Variants in PKNOX2 observed in about 807,000 individuals in gnomAD.
PKNOX2 encodes PBX/knotted 1 homeobox 2.
Under a neutral mutation model 53.1 loss-of-function variants are expected in PKNOX2, and 14 were observed. That is an observed-to-expected ratio of 0.26 (90% CI 0.17 to 0.41). PKNOX2 has a LOEUF of 0.41. PKNOX2 is among the 10% of genes least tolerant of loss of function. PKNOX2 has a pLI of 1.00. For synonymous variants in PKNOX2, 257 were observed against 242.8 expected (o/e 1.06, Z -0.54); for missense variants, 496 against 602.8 (o/e 0.82, Z 1.85).
intron 3 of PKNOX2, among the ~76,000 whole-genome samples, chr11:125,348,868 T>C (rs1442871824): frequency 2.6e-5 from 4 of 152,188 alleles, no homozygotes; most frequent in Non-Finnish European, 5.9e-5. Flanking sequence ...GAGAACTAGT[T>C]GCCCCTAAGA....
intron 4 of PKNOX2, among the ~76,000 whole-genome samples, chr11:125,366,412 A>G (rs192388235): frequency 3.9e-5 from 6 of 152,356 alleles, no homozygotes; most frequent in African/African-American, 1.2e-4. Flanking sequence ...ACCACCCATC[A>G]TTCATCTATT....
intron 2 of PKNOX2, among the ~76,000 whole-genome samples, chr11:125,301,584 C>T (rs971417600): frequency 2.6e-5 from 4 of 151,984 alleles, no homozygotes; most frequent in Admixed American, 6.6e-5. Context: ...TTTTAGCTGC[C>T]AGAGCCAAGA....
chr11:125,187,013 C>T (rs615892), intron 1 of PKNOX2, among the ~76,000 whole-genome samples: 36,158 of 152,090 alleles, frequency 0.24, 4,559 homozygotes, highest in South Asian at 0.33. Context: ...CGAAGATCAA[C>T]GTGGCCATAG....
intron 2 of PKNOX2, among the ~76,000 whole-genome samples, chr11:125,306,746 C>A (rs1948487665): frequency 1.3e-5 from 2 of 152,196 alleles, no homozygotes; most frequent in South Asian, 4.1e-4. Context: ...ACCCTAGAGA[C>A]CCCGGCACAG....
chr11:125,376,674 C>T (rs1405267377), intron 5 of PKNOX2, among the ~76,000 whole-genome samples: 2 of 152,224 alleles, frequency 1.3e-5, no homozygotes, highest in African/African-American at 4.8e-5. Context: ...GCTTACTCCA[C>T]TCATTCATTC....
chr11:125,237,984 C>A (rs769935590), intron 2 of PKNOX2, among the ~76,000 whole-genome samples: 2 of 152,172 alleles, frequency 1.3e-5, no homozygotes, highest in Non-Finnish European at 2.9e-5. Context: ...CTGGGCAGCC[C>A]TTCCTCCCTG....
chr11:125,203,513 G>A (rs189675895), intron 1 of PKNOX2, among the ~76,000 whole-genome samples: 4 of 152,328 alleles, frequency 2.6e-5, no homozygotes, highest in African/African-American at 9.6e-5. Context: ...AGGCGGCAGA[G>A]CCAGGCAATG....
intron 2 of PKNOX2, among the ~76,000 whole-genome samples, chr11:125,287,515 A>AGGG (rs1946983437): frequency 6.6e-6 from 1 of 152,104 alleles, no homozygotes; most frequent in Non-Finnish European, 1.5e-5. Flanking sequence ...GCGGGGAGGA[A>AGGG]GGGGTGTCTA....
chr11:125,234,050 T>G (rs1410285666), intron 1 of PKNOX2, among the ~76,000 whole-genome samples: 3 of 152,188 alleles, frequency 2.0e-5, no homozygotes, highest in Non-Finnish European at 4.4e-5. Context: ...TTCTGCCCCT[T>G]GGCCCTTGCT....
intron 3 of PKNOX2, among the ~76,000 whole-genome samples, chr11:125,337,387 A>G (rs1950483511): frequency 6.6e-6 from 1 of 152,228 alleles, no homozygotes; most frequent in South Asian, 2.1e-4. Context: ...CGAGTGGGAA[A>G]TAAACTCCAA....
At chr11:125,348,288 C>G (rs1465871320) in intron 3 of PKNOX2, among the ~76,000 whole-genome samples, 1 of 152,158 alleles carries the variant, frequency 6.6e-6, no homozygotes, top group African/African-American at 2.4e-5. Flanking sequence ...CTTCCGGACA[C>G]GGGTGCAGGG....
chr11:125,316,036 A>G (rs955159899), intron 2 of PKNOX2, among the ~76,000 whole-genome samples: 2 of 152,202 alleles, frequency 1.3e-5, no homozygotes, highest in African/African-American at 4.8e-5. Flanking sequence ...ACGTAAGAGG[A>G]CACCATGACA....
chr11:125,276,182 A>T (rs1357240844), intron 2 of PKNOX2, among the ~76,000 whole-genome samples: 1 of 152,220 alleles, frequency 6.6e-6, no homozygotes, highest in Non-Finnish European at 1.5e-5. Context: ...GGTCCTTAGT[A>T]ATCTTGGTAA....
At chr11:125,201,814 G>A (rs769005335) in intron 1 of PKNOX2, among the ~76,000 whole-genome samples, 3 of 152,110 alleles carry the variant, frequency 2.0e-5, no homozygotes, top group Admixed American at 6.5e-5. Context: ...GCTCCTTTTA[G>A]TTTCTTTCCT....
intron 1 of PKNOX2, among the ~76,000 whole-genome samples, chr11:125,222,286 A>T (rs902194744): frequency 1.3e-5 from 2 of 151,776 alleles, no homozygotes; most frequent in Non-Finnish European, 2.9e-5. Context: ...GCTGACACGG[A>T]TGCCTTTCCT....
chr11:125,208,640 G>A (rs1324552681), intron 1 of PKNOX2, among the ~76,000 whole-genome samples: 1 of 152,082 alleles, frequency 6.6e-6, no homozygotes, highest in Non-Finnish European at 1.5e-5. Flanking sequence ...CTTAAAATGT[G>A]CCTGTGTGGG....
At chr11:125,295,524 C>T (rs1015053222) in intron 2 of PKNOX2, among the ~76,000 whole-genome samples, 11 of 152,182 alleles carry the variant, frequency 7.2e-5, no homozygotes, top group African/African-American at 1.4e-4. Flanking sequence ...GGCTCAGGAG[C>T]GGCCTTTGCT....
At chr11:125,242,126 C>A (rs1206166589) in intron 2 of PKNOX2, among the ~76,000 whole-genome samples, 1 of 152,168 alleles carries the variant, frequency 6.6e-6, no homozygotes. Context: ...ATCTGTGGTT[C>A]CCCGTCTATG....
At chr11:125,308,214 G>A (rs557314779) in intron 2 of PKNOX2, among the ~76,000 whole-genome samples, 8 of 152,330 alleles carry the variant, frequency 5.3e-5, no homozygotes, top group Middle Eastern at 3.4e-3. Flanking sequence ...CCAAGTTTCA[G>A]CTTATGGATC....
Sources: allele counts gnomAD v4.1 joint callset (sites outside exome capture counted in the v4.1 genomes callset), GRCh38; gene constraint gnomAD v4.1.1; transcripts MANE v1.5; gene names NCBI Gene and HGNC (gene_info 2026-07-23, HGNC 2026-07-21).